Variants in ATG2B observed in about 807,000 individuals in gnomAD.
ATG2B encodes the protein autophagy related 2B.
Under a neutral mutation model 241.3 loss-of-function variants are expected in ATG2B, and 121 were observed. The ratio of observed to expected loss-of-function variants is 0.50; its 90% CI spans 0.43 to 0.58. The LOEUF is 0.58. Ranked by LOEUF, ATG2B falls within the 20% of genes least tolerant of loss-of-function variation. ATG2B has a pLI of 0.00. For synonymous variants in ATG2B, 858 were observed against 876.6 expected, an observed-to-expected ratio of 0.98 and a Z score of 0.37; for missense variants, 2,306 against 2,491.6, an observed-to-expected ratio of 0.93 and a Z score of 1.59.
chr14:96,351,097 T>C (rs1595334526), intron 1 of ATG2B, among the ~76,000 whole-genome samples: 1 of 152,236 alleles, frequency 6.6e-6, no homozygotes, highest in Non-Finnish European at 1.5e-5. Context: ...AACTCAGTGA[T>C]GTTGCTCCTG....
rs1886299576 is a variant in ATG2B at position 96,285,099 on chromosome 14, C to T, written c.*656G>A. On this transcript the variant is annotated 3_prime_UTR_variant, in exon 42 of 42. Coordinates refer to ENST00000359933, the MANE Select transcript of ATG2B (RefSeq NM_018036.7). The surrounding 1 kb of genome is among the most constrained non-coding windows in gnomAD (Gnocchi z 4.2). Reference sequence around the variant, plus strand: ...ATTTTGTGTAACTTTGTAAATTATACAAGAAATATAGCACACAACTTGAAT... The same window carrying T: ...ATTTTGTGTAACTTTGTAAATTATATAAGAAATATAGCACACAACTTGAAT... 1 of 152,178 alleles carries T rather than the reference C, an allele frequency of 6.6e-6. No individual in the cohort carries two copies. The highest frequency in any genetic ancestry group is 2.4e-5 in the African/African-American group (1 of 41,442). The allele number at this position is 152,178 out of a possible 1,614,324, so 9.4% of individuals were successfully genotyped here.
chr14:96,283,520 T>G lies in ATG2B; in HGVS notation c.*2235A>C, dbSNP rs1410275764. 6.6e-6 allele frequency: 1 copy of G among 152,050 alleles called. No homozygotes were observed. Among genetic ancestry groups the G allele is most frequent in the African/African-American group, 2.4e-5 (1 of 41,374 alleles). The allele number at this position is 152,050 out of a possible 1,614,324, so 9.4% of individuals were successfully genotyped here. ...AATCATCCAAAACCTCCCTTTGGGC[T>G]TTGTCGTAAAAAACCCTCCATTTAC... On this transcript the variant is annotated 3_prime_UTR_variant, in exon 42 of 42. Coordinates refer to ENST00000359933, the MANE Select transcript of ATG2B (RefSeq NM_018036.7).
intron 5 of ATG2B, 112 bp from the exon 6 acceptor site, chr14:96,341,813 T>C (rs1039043415): frequency 2.3e-5 from 20 of 884,546 alleles, no homozygotes; most frequent in Non-Finnish European, 3.2e-5. Flanking sequence ...TGTAAAACTG[T>C]ATGATGTTAC....
intron 6 of ATG2B, among the ~76,000 whole-genome samples, chr14:96,336,392 C>T (rs949602139): frequency 1.3e-5 from 2 of 152,140 alleles, no homozygotes; most frequent in Non-Finnish European, 2.9e-5. Context: ...TACTCAAATA[C>T]TCAAGTCATT....
intron 15 of ATG2B, among the ~76,000 whole-genome samples, chr14:96,324,927 A>T (rs1188118051): frequency 1.3e-5 from 2 of 152,194 alleles, no homozygotes; most frequent in African/African-American, 4.8e-5. Flanking sequence ...TTGCGGAGAG[A>T]GGGTGTCGTG....
intron 11 of ATG2B, among the ~76,000 whole-genome samples, chr14:96,331,066 A>G (rs965270400): frequency 6.6e-6 from 1 of 152,206 alleles, no homozygotes. Flanking sequence ...AGTGGTGTCA[A>G]TAGGGATGAA....
At chr14:96,317,481 G>C (rs1468466169) in intron 19 of ATG2B, among the ~76,000 whole-genome samples, 164 bp from the exon 20 acceptor site, 1 of 152,104 alleles carries the variant, frequency 6.6e-6, no homozygotes, top group Non-Finnish European at 1.5e-5. Flanking sequence ...TTCAAACAAT[G>C]TGCACACTAT....
chr14:96,330,559 T>C (rs1475273500), intron 11 of ATG2B, among the ~76,000 whole-genome samples: 2 of 151,924 alleles, frequency 1.3e-5, no homozygotes, highest in African/African-American at 4.8e-5. Context: ...AGGGCAGGAG[T>C]TCGAGACCAG....
chr14:96,339,431 G>A (rs185990910), intron 6 of ATG2B, among the ~76,000 whole-genome samples: 10 of 151,594 alleles, frequency 6.6e-5, no homozygotes, highest in East Asian at 1.9e-4. Context: ...TATATATGGT[G>A]TATATTTATG....
rs1491275020 is a variant in ATG2B, at chr14:96,308,283, T to TATATATATATA, written c.4303+1169_4303+1170insTATATATATAT. On this transcript the variant is annotated intron_variant, in intron 29 of 41. Transcript: ENST00000359933. ...ATATATATATATATATATATATATA[T>TATATATATATA]TTTTTTTTTTTTTTTTTTTGAGACA... is the stretch of plus-strand genomic sequence containing the variant. Among the ~76,000 whole-genome samples the TATATATATATA allele has an allele frequency of 3.2e-3, 96 of 30,200 alleles. 5 individuals are homozygous for TATATATATATA. The highest frequency in any genetic ancestry group is 5.0e-3 in the Non-Finnish European group (76 of 15,056). The allele number at this position is 30,200 out of a possible 152,430, so 19.8% of individuals were successfully genotyped here. A position where few individuals can be genotyped will look rare whatever the true frequency, so the allele number is the denominator to read the frequency against.
chr14:96,307,460 T>C (rs1886984238), intron 29 of ATG2B, among the ~76,000 whole-genome samples: 1 of 151,840 alleles, frequency 6.6e-6, no homozygotes, highest in African/African-American at 2.4e-5. Flanking sequence ...AGACAAATGA[T>C]AAATTCGAAA....
In ATG2B at chr14:96,313,347, C is replaced by T; in HGVS notation, c.3731G>A (p.Ser1244Asn). ...AACTTACCTATAATCAAGTGCACAG[C>T]TCCAAAGATGAACATGAAAAGTTGT... ...SFTTFHVHLW[S>N]CALDYRPLYL... The change falls in exon 24 of 42, where the codon AGC becomes AAC. Residue 1244 changes from serine (S) to asparagine (N), a missense_variant. This residue lies in a region of ATG2B where 1,927 missense variants were observed against 2,011.2 expected (regional missense o/e 0.96). Transcript: ENST00000359933. The T allele has an allele frequency of 6.3e-7, 1 of 1,590,144 alleles. No homozygotes were observed. Among genetic ancestry groups the T allele is most frequent in the South Asian group, 1.2e-5 (1 of 85,762 alleles).
chr14:96,315,409 G>T lies in ATG2B; in HGVS notation c.3536C>A (p.Ser1179Tyr). Residue 1179 changes from serine (S) to tyrosine (Y), a missense_variant, in exon 22 of 42, where the codon TCT becomes TAT. Transcript: ENST00000359933. ...CTTTGTATTGGACTCTGATTTATCA[G>T]ACAATATTTTAACGGCAACAGACAG... ...NMLSVAVKIL[S>Y]DKSESNTKEF... The T allele has an allele frequency of 6.2e-7, 1 of 1,614,142 alleles. No individual in the cohort carries two copies. Among genetic ancestry groups the T allele is most frequent in the Non-Finnish European group, 8.5e-7 (1 of 1,180,010 alleles).
chr14:96,307,033 C>CT, intron 29 of ATG2B, 117 bp from the exon 30 acceptor site: 2 of 854,514 alleles, frequency 2.3e-6, no homozygotes, highest in Non-Finnish European at 3.5e-6. Context: ...CATTTATTTC[C>CT]TAAAATAAGT....
At chr14:96,360,614 T>C (rs527494258) in intron 1 of ATG2B, among the ~76,000 whole-genome samples, 1 of 152,304 alleles carries the variant, frequency 6.6e-6, no homozygotes, top group South Asian at 2.1e-4. Context: ...TTAGCCATAA[T>C]AGAAAAACTA....
In ATG2B at chr14:96,288,964, T is replaced by C. The variant is rs540345406; in HGVS notation, c.6006+692A>G. Among the ~76,000 whole-genome samples, 15 of 152,222 alleles carry C rather than the reference T, an allele frequency of 9.9e-5. No homozygotes were observed. In the East Asian group the frequency reaches 2.9e-3, roughly 29 times the overall value. On this transcript the variant is annotated intron_variant, in intron 41 of 41. Coordinates refer to ENST00000359933, the MANE Select transcript of ATG2B (RefSeq NM_018036.7). ...AAGAGAGTTAAATGAGCACTCCCCA[T>C]AGTGGTGTTTCAGGGGAAAAATGGA...
intron 41 of ATG2B, among the ~76,000 whole-genome samples, chr14:96,287,325 AGAG>A (rs1487976597): frequency 6.6e-6 from 1 of 151,732 alleles, no homozygotes; most frequent in Admixed American, 6.6e-5. Context: ...AAAACTATCT[AGAG>A]GATAACAGCC....
Position 96,333,768 on chromosome 14 carries a change from C to G in ATG2B, c.1127G>C (p.Arg376Thr). The G allele has an allele frequency of 6.2e-7, 1 of 1,613,952 alleles. No individual in the cohort carries two copies. Residue 376 changes from arginine to threonine, a missense_variant, in exon 8 of 42, where the codon AGA becomes ACA. This residue lies in a region of ATG2B where 1,927 missense variants were observed against 2,011.2 expected (regional missense o/e 0.96). Coordinates refer to ENST00000359933, the MANE Select transcript of ATG2B (RefSeq NM_018036.7). ...TACACCCACAGAGAGGGAATCTTTTCTCAAATAATACCGGTTTAATTCCAT... is the reference window on the plus strand; with the variant it reads ...TACACCCACAGAGAGGGAATCTTTTGTCAAATAATACCGGTTTAATTCCAT... ...IQMELNRYYL[R>T]KDSLSVGVSS...
chr14:96,316,504 G>C lies in ATG2B; in HGVS notation c.3361+29C>G, dbSNP rs970099896. On this transcript the variant is annotated intron_variant, in intron 21 of 41. Transcript: ENST00000359933. ...CAAGAAATTTAAACATGTCTAAAGA[G>C]AAGAAACCAAGACACGTGTTTGTCC... 6 of 1,599,378 alleles carry C rather than the reference G, an allele frequency of 3.8e-6. No homozygotes were observed. The African/African-American group carries it at 8.1e-5, about 22-fold the overall frequency.
Sources: gnomAD v4.1 joint callset for allele counts (sites outside exome capture counted in the v4.1 genomes callset) on GRCh38, gnomAD v4.1.1 for gene constraint, gnomAD v4.1.1 regional missense constraint, Gnocchi (gnomAD v3.1) non-coding constraint, MANE v1.5 for transcripts, NCBI Gene and HGNC (gene_info 2026-07-23, HGNC 2026-07-21) for gene names.